MME: variants seen among roughly 807,000 people sequenced by gnomAD.
MME encodes neprilysin.
In MME, 98 loss-of-function variants were observed where a neutral mutation model predicts 113.2. The ratio of observed to expected loss-of-function variants is 0.87; its 90% confidence interval spans 0.74 to 1.02. The LOEUF (loss-of-function observed/expected upper bound fraction) is 1.02, where lower values mean the gene tolerates loss of function less well. Ranked by LOEUF, MME falls within the 50% of genes least tolerant of loss-of-function variation. The probability of loss-of-function intolerance (pLI) is 0.00; values close to 1 mark genes in which losing one functional copy is unlikely to be tolerated. For missense variants in MME, 836 were observed against 896.0 expected (o/e 0.93, Z 0.86); for synonymous variants, 292 against 300.6 (o/e 0.97, Z 0.30).
chr3:155,063,669 T>C (rs1272903462), intron 1 of MME, among the ~76,000 whole-genome samples: 1 of 20,806 alleles, frequency 4.8e-5, no homozygotes, highest in Non-Finnish European at 8.3e-5. Context: ...TAACATATTA[T>C]ATATTATATT....
At chr3:155,145,552 T>G (rs1442649064) in intron 14 of MME, among the ~76,000 whole-genome samples, 1 of 152,110 alleles carries the variant, frequency 6.6e-6, no homozygotes, top group African/African-American at 2.4e-5. Flanking sequence ...CCTCAGCCCT[T>G]TATAACATAC....
At chr3:155,141,949 A>G in intron 10 of MME, 42 bp from the exon 11 acceptor site, 1 of 1,612,280 alleles carries the variant, frequency 6.2e-7, no homozygotes, top group Non-Finnish European at 8.5e-7. Context: ...CCAAGAAGAG[A>G]AATCCACAAT....
At chr3:155,129,692 T>C (rs989547572) in intron 8 of MME, among the ~76,000 whole-genome samples, 1 of 152,112 alleles carries the variant, frequency 6.6e-6, no homozygotes, top group Non-Finnish European at 1.5e-5. Context: ...GGAGCCTGAG[T>C]TCTGAGGTAT....
chr3:155,123,804 G>A lies in MME; in HGVS notation c.720+4993G>A, dbSNP rs1368508196. ...GAGAGATCCGTTGTTAGTCTGATGG[G>A]CTTCCCTTTGAGGGTAACCCGACCT... On this transcript the variant is annotated intron_variant, in intron 8 of 22. Transcript: ENST00000360490. 4.3e-5 allele frequency among the ~76,000 whole-genome samples: 3 copies of A among 69,146 alleles called. 1 individual carries two copies. The highest frequency in any genetic ancestry group is 9.9e-5 in the Non-Finnish European group (3 of 30,410). The allele number at this position is 69,146 out of a possible 152,430, so 45.4% of individuals were successfully genotyped here.
intron 3 of MME, among the ~76,000 whole-genome samples, chr3:155,098,122 A>C (rs1321230439): frequency 6.6e-6 from 1 of 152,200 alleles, no homozygotes; most frequent in African/African-American, 2.4e-5. Context: ...GGAAGGGAAA[A>C]GGAAGGCAGC....
chr3:155,024,713 A>G (rs935809606), intron 1 of MME, among the ~76,000 whole-genome samples: 1 of 152,174 alleles, frequency 6.6e-6, no homozygotes, highest in Non-Finnish European at 1.5e-5. Flanking sequence ...ATTTTTGGTG[A>G]ACAATTTTAG....
rs1048063138 is a variant in MME at position 155,133,206 on chromosome 3, G to A, written c.721-4896G>A. ...ACATCTCGTACAATGGATTTAGCAC[G>A]GCAGTAACCTTAAGTTCTGACACCA... On this transcript the variant is annotated intron_variant, in intron 8 of 22. Transcript: ENST00000360490. Among the ~76,000 whole-genome samples the A allele has an allele frequency of 9.2e-5, 14 of 151,360 alleles. 1 individual carries two copies. The highest frequency in any genetic ancestry group is 7.3e-4 in the Admixed American group (11 of 15,152).
At chr3:155,155,675 G>T (rs1473754544) in intron 16 of MME, among the ~76,000 whole-genome samples, 1 of 152,168 alleles carries the variant, frequency 6.6e-6, no homozygotes, top group African/African-American at 2.4e-5. Flanking sequence ...AGTACTGAGG[G>T]TTATACAGTA....
At chr3:155,121,324 A>T (rs1161758482) in intron 8 of MME, among the ~76,000 whole-genome samples, 1 of 149,222 alleles carries the variant, frequency 6.7e-6, no homozygotes, top group South Asian at 2.2e-4. Flanking sequence ...GGGCTGAGAC[A>T]ATGGGGTTTT....
Position 155,143,655 on chromosome 3 carries a change from C to T in MME, c.1317+84C>T, listed in dbSNP as rs1721297335. 7 of 1,505,036 alleles carry T rather than the reference C, an allele frequency of 4.7e-6. No individual in the cohort carries two copies. In the Admixed American group the frequency reaches 6.8e-5, roughly 15 times the overall value. The allele number at this position is 1,505,036 out of a possible 1,614,324, so 93.2% of individuals were successfully genotyped here. A position where few individuals can be genotyped will look rare whatever the true frequency, so the allele number is the denominator to read the frequency against. ...CTGATGAGCAATTACAGTTCTCCAT[C>T]ATTTGGCTAAAATTTTATTAATTTA... On this transcript the variant is annotated intron_variant, in intron 13 of 22. Coordinates refer to ENST00000360490, the MANE Select transcript of MME (RefSeq NM_007289.4).
intron 1 of MME, among the ~76,000 whole-genome samples, chr3:155,048,667 A>G (rs553259466): frequency 6.6e-6 from 1 of 152,092 alleles, no homozygotes; most frequent in South Asian, 2.1e-4. Flanking sequence ...TGAAGTTTAG[A>G]GTAGATTATT....
chr3:155,115,061 C>T lies in MME; in HGVS notation c.264C>T (p.Cys88=), dbSNP rs200698972. ...EPCTDFFKYA[C]GGWLKRNVIP... Reference sequence around the variant, plus strand: ...GTACAGACTTTTTCAAATATGCTTGCGGAGGCTGGTTGAAACGTAATGTCA... The same window carrying T: ...GTACAGACTTTTTCAAATATGCTTGTGGAGGCTGGTTGAAACGTAATGTCA... The change falls in exon 4 of 23, where the codon TGC becomes TGT. Residue 88 remains cysteine, a synonymous_variant. Transcript: ENST00000360490. 39 of 1,613,930 alleles carry T rather than the reference C, an allele frequency of 2.4e-5. 1 individual carries two copies. Among genetic ancestry groups the T allele is most frequent in the Middle Eastern group, 1.6e-4 (1 of 6,084 alleles).
At chr3:155,070,874 T>A (rs1478876996) in intron 1 of MME, among the ~76,000 whole-genome samples, 1 of 152,176 alleles carries the variant, frequency 6.6e-6, no homozygotes. Context: ...CATGCCAAAA[T>A]TGAGCAGATG....
rs140951215 is a variant in MME, at chr3:155,142,827, G to A, written c.1188+497G>A. ...CTGTTTTGGTACTATGGTGAGGGGA[G>A]TAGGCAGTAGGGATTGAGGAAGGAG... On this transcript the variant is annotated intron_variant, in intron 12 of 22. Transcript: ENST00000360490. Among the ~76,000 whole-genome samples the A allele has an allele frequency of 2.2e-3, 334 of 152,196 alleles. 3 individuals carry two copies. The highest frequency in any genetic ancestry group is 7.7e-3 in the African/African-American group (319 of 41,548).
At chr3:155,071,251 G>C (rs1392404330) in intron 1 of MME, among the ~76,000 whole-genome samples, 6 of 152,224 alleles carry the variant, frequency 3.9e-5, no homozygotes, top group Non-Finnish European at 7.3e-5. Flanking sequence ...GAGGGGATAA[G>C]CATATCTCTG....
rs1205727628 is a variant in MME at position 155,048,072 on chromosome 3, T to C, written c.-11+23748T>C. On this transcript the variant is annotated intron_variant, in intron 1 of 22. Transcript: ENST00000492661. Reference sequence around the variant, plus strand: ...TGAGTTAAAGCAAGAGATTTGTGCATGGAGATCAAAGCTCCGTCCCATTTT... The same window carrying C: ...TGAGTTAAAGCAAGAGATTTGTGCACGGAGATCAAAGCTCCGTCCCATTTT... Among the ~76,000 whole-genome samples the C allele has an allele frequency of 1.8e-4, 27 of 152,188 alleles. 1 individual carries two copies.
At position 155,172,591 on chromosome 3, in the gene MME, T is replaced by G. The variant is rs891036547; in HGVS notation, c.2132T>G (p.Val711Gly). Residue 711 changes from valine (V) to glycine (G), a missense_variant, in exon 22 of 23, where the codon GTG becomes GGG. Transcript: ENST00000360490. ...GCGGTTAACTCCATTAAAACAGATG[T>G]GCACAGTCCAGGCAATTTCAGGTGC... ...EYAVNSIKTD[V>G]HSPGNFRIIG... 6.2e-7 allele frequency: 1 copy of G among 1,612,996 alleles called. No homozygotes were observed. Among genetic ancestry groups the G allele is most frequent in the African/African-American group, 1.3e-5 (1 of 74,990 alleles).
intron 22 of MME, among the ~76,000 whole-genome samples, chr3:155,177,394 AAAG>A (rs1424423348): frequency 6.6e-6 from 1 of 152,164 alleles, no homozygotes; most frequent in Non-Finnish European, 1.5e-5. Flanking sequence ...TTAATGAATC[AAAG>A]CTCCTCTCTA....
intron 1 of MME, among the ~76,000 whole-genome samples, chr3:155,063,509 AT>A (rs1215288166): frequency 1.8e-5 from 2 of 111,586 alleles, no homozygotes; most frequent in African/African-American, 7.9e-5. Flanking sequence ...AAATATATAT[AT>A]TTAAATATAT....
Sources: gnomAD v4.1 joint callset for allele counts (sites outside exome capture counted in the v4.1 genomes callset) on GRCh38, gnomAD v4.1.1 for gene constraint, MANE v1.5 for transcripts, NCBI Gene and HGNC (gene_info 2026-07-23, HGNC 2026-07-21) for gene names.